Variants in ADGRL3 observed in about 807,000 individuals in gnomAD.
The protein encoded by ADGRL3 is calcium-independent alpha-latrotoxin receptor 3.
A neutral mutation model predicts 153.5 loss-of-function variants in ADGRL3; 62 were observed. The observed-to-expected ratio is 0.40, with a 90% CI of 0.33 to 0.50. ADGRL3 has a LOEUF of 0.50. Ranked by LOEUF, ADGRL3 falls within the 20% of genes least tolerant of loss-of-function variation. The pLI is 0.47. For missense variants in ADGRL3, 1,641 were observed against 1,859.4 expected (o/e 0.88, Z 2.16); for synonymous variants, 710 against 672.5 (o/e 1.06, Z -0.86).
intron 6 of ADGRL3, among the ~76,000 whole-genome samples, chr4:61,696,545 T>C (rs185905227): frequency 3.9e-5 from 6 of 152,174 alleles, no homozygotes; most frequent in Non-Finnish European, 5.9e-5. Context: ...GTTACAGATA[T>C]GATATTTCAA....
At chr4:62,053,059 A>AT (rs1409810228) in intron 25 of ADGRL3, among the ~76,000 whole-genome samples, 1 of 151,534 alleles carries the variant, frequency 6.6e-6, no homozygotes, top group African/African-American at 2.4e-5. Context: ...TATTGTAAAC[A>AT]TAAAGGTTGT....
chr4:62,048,421 C>A (rs2151727729), intron 25 of ADGRL3, among the ~76,000 whole-genome samples: 1 of 152,042 alleles, frequency 6.6e-6, no homozygotes, highest in East Asian at 1.9e-4. Flanking sequence ...CACCACCACA[C>A]CCGGCTAATT....
chr4:61,282,827 C>G (rs1485591845), intron 1 of ADGRL3, among the ~76,000 whole-genome samples: 1 of 151,958 alleles, frequency 6.6e-6, no homozygotes, highest in East Asian at 1.9e-4. Context: ...TCTTTAGATT[C>G]ACAATGGAAA....
intron 4 of ADGRL3, among the ~76,000 whole-genome samples, chr4:61,570,653 T>C (rs185513066): frequency 6.6e-6 from 1 of 152,302 alleles, no homozygotes; most frequent in East Asian, 1.9e-4. Flanking sequence ...TTATTTTCTG[T>C]CTCTCACAAT....
intron 1 of ADGRL3, among the ~76,000 whole-genome samples, chr4:61,240,509 A>C (rs1754499438): frequency 6.6e-6 from 1 of 152,176 alleles, no homozygotes; most frequent in Admixed American, 6.6e-5. Context: ...TCTTTCAAAT[A>C]AAGTAGAGCC....
chr4:61,480,670 C>G (rs1203803621), intron 2 of ADGRL3, among the ~76,000 whole-genome samples: 2 of 151,960 alleles, frequency 1.3e-5, no homozygotes, highest in Non-Finnish European at 2.9e-5. Context: ...ATAAGCCCAG[C>G]TACTCGGGAG....
At chr4:61,756,294 T>C (rs552270149) in intron 8 of ADGRL3, among the ~76,000 whole-genome samples, 5,788 of 152,300 alleles carry the variant, frequency 0.038, 155 homozygotes, top group Non-Finnish European at 0.061. Flanking sequence ...TTTTATTTCA[T>C]TGAGCAGTGG....
chr4:61,980,147 T>C (rs1323179353), intron 18 of ADGRL3, among the ~76,000 whole-genome samples: 2 of 151,994 alleles, frequency 1.3e-5, no homozygotes, highest in African/African-American at 4.8e-5. Flanking sequence ...TGAACCTGCA[T>C]CAACACATCA....
chr4:61,774,720 G>A (rs887972132), intron 8 of ADGRL3, among the ~76,000 whole-genome samples: 5 of 151,994 alleles, frequency 3.3e-5, no homozygotes, highest in East Asian at 1.9e-4. Flanking sequence ...GCAGTATATT[G>A]TTATAATTGT....
chr4:61,872,190 G>A (rs753581435), intron 9 of ADGRL3, among the ~76,000 whole-genome samples: 1 of 152,238 alleles, frequency 6.6e-6, no homozygotes, highest in Admixed American at 6.5e-5. Flanking sequence ...TTAGTGGCTG[G>A]ATCATAGTGT....
intron 21 of ADGRL3, among the ~76,000 whole-genome samples, chr4:62,000,203 C>T (rs2099135433): frequency 6.6e-6 from 1 of 151,402 alleles, no homozygotes; most frequent in African/African-American, 2.4e-5. Flanking sequence ...TTATGTAGCA[C>T]TATGTTATAA....
chr4:61,825,755 A>C (rs2097794497), intron 9 of ADGRL3, among the ~76,000 whole-genome samples: 1 of 152,212 alleles, frequency 6.6e-6, no homozygotes, highest in South Asian at 2.1e-4. Context: ...CTAACCAAAA[A>C]AAGATCTTGA....
intron 16 of ADGRL3, among the ~76,000 whole-genome samples, 173 bp from the exon 17 acceptor site, chr4:61,947,927 G>T (rs552129693): frequency 6.6e-6 from 1 of 152,248 alleles, no homozygotes; most frequent in East Asian, 1.9e-4. Flanking sequence ...ACAAACAATA[G>T]CATATATTCA....
In ADGRL3 at chr4:61,897,802, T is replaced by A. The variant is rs554461401; in HGVS notation, c.1887+1968T>A. ...TTGTAATACCTGTGTAGTACCAGAG[T>A]CCACACAGATGGAACACTTGAGGAG... On this transcript the variant is annotated intron_variant, in intron 11 of 26. Transcript: ENST00000683033. Among the ~76,000 whole-genome samples the A allele has an allele frequency of 7.2e-5, 11 of 152,058 alleles. No homozygotes were observed. The South Asian group carries it at 2.3e-3, about 32-fold the overall frequency.
chr4:61,746,450 G>A (rs991715394), intron 8 of ADGRL3, among the ~76,000 whole-genome samples: 2 of 152,038 alleles, frequency 1.3e-5, no homozygotes, highest in African/African-American at 4.8e-5. Flanking sequence ...TGACCACATA[G>A]TTGGAAGTAA....
At chr4:62,056,667 A>C (rs1016118614) in intron 25 of ADGRL3, among the ~76,000 whole-genome samples, 2 of 152,066 alleles carry the variant, frequency 1.3e-5, no homozygotes, top group Non-Finnish European at 2.9e-5. Context: ...GTCTGAAAAC[A>C]AAAACAGAGA....
At chr4:61,452,876 A>G (rs2097691732) in intron 2 of ADGRL3, among the ~76,000 whole-genome samples, 1 of 152,182 alleles carries the variant, frequency 6.6e-6, no homozygotes, top group African/African-American at 2.4e-5. Context: ...TGAATGATTT[A>G]TTATTACTTT....
intron 9 of ADGRL3, among the ~76,000 whole-genome samples, chr4:61,826,460 A>G (rs1654457561): frequency 6.6e-6 from 1 of 152,196 alleles, no homozygotes; most frequent in African/African-American, 2.4e-5. Flanking sequence ...AAGTATAAAT[A>G]AACAAAAAAG....
chr4:61,301,398 A>C (rs561043021), intron 1 of ADGRL3, among the ~76,000 whole-genome samples: 1 of 152,340 alleles, frequency 6.6e-6, no homozygotes, highest in Non-Finnish European at 1.5e-5. Flanking sequence ...AGATGTGAAC[A>C]CTTTTTAAAA....
Sources: allele counts gnomAD v4.1 joint callset (sites outside exome capture counted in the v4.1 genomes callset), GRCh38; gene constraint gnomAD v4.1.1; transcripts MANE v1.5; gene names NCBI Gene and HGNC (gene_info 2026-07-23, HGNC 2026-07-21).